The following MLXIP variants were observed in gnomAD, a reference collection of about 807,000 sequenced individuals.
MLXIP encodes MLX interacting protein, also known as MLX-interacting protein.
MLXIP carries 30 observed loss-of-function variants against 87.2 expected under a neutral mutation model. That is an observed-to-expected ratio of 0.34 (90% CI 0.26 to 0.47). The LOEUF (loss-of-function observed/expected upper bound fraction) is 0.47, where lower values mean the gene tolerates loss of function less well. Among genes scored for constraint, MLXIP ranks in the 20% least tolerant of loss-of-function variants. The pLI is 1.00. For synonymous variants in MLXIP, 530 were observed against 514.0 expected (o/e 1.03, Z -0.42); for missense variants, 1,002 against 1,240.1 (o/e 0.81, Z 2.88).
At chr12:122,134,031 A>G (rs765101565) in intron 9 of MLXIP, 44 bp downstream of exon 9, 2 of 1,533,182 alleles carry the variant, frequency 1.3e-6, no homozygotes, top group African/African-American at 2.8e-5. Context: ...CCCCCGACCC[A>G]GAGGGATGTT....
rs914891871 is a variant in MLXIP, at chr12:122,142,002, C to T, written c.*190C>T. ...TTTGGGGCCTGCTGACAGCAATAGC[C>T]CGCCTTTGGGAACCCCTTGCTGTGA... On this transcript the variant is annotated 3_prime_UTR_variant, in exon 17 of 17. Coordinates refer to ENST00000319080, the MANE Select transcript of MLXIP (RefSeq NM_014938.6). The T allele has an allele frequency of 7.4e-6, 6 of 812,770 alleles. No homozygotes were observed. The African/African-American group carries it at 8.5e-5, about 12-fold the overall frequency. 50.3% of individuals were successfully genotyped at this position (812,770 alleles called of 1,614,324 possible).
chr12:122,141,105 TGGG>T, intron 16 of MLXIP, 22 bp downstream of exon 16: 1 of 1,597,878 alleles, frequency 6.3e-7, no homozygotes, highest in Non-Finnish European at 8.5e-7. Flanking sequence ...AGTGCCAGGG[TGGG>T]GGGCTTCATG....
At chr12:122,120,658 T>C (rs1158621976) in intron 1 of MLXIP, among the ~76,000 whole-genome samples, 3 of 152,300 alleles carry the variant, frequency 2.0e-5, no homozygotes, top group South Asian at 2.1e-4. Context: ...ATTACCTTTA[T>C]TGTTGACCAA....
chr12:122,120,318 G>T (rs1952759082), intron 1 of MLXIP, among the ~76,000 whole-genome samples: 1 of 152,060 alleles, frequency 6.6e-6, no homozygotes, highest in Admixed American at 6.6e-5. Context: ...GACCTCCTGG[G>T]CTCGAGCAAT....
intron 1 of MLXIP, among the ~76,000 whole-genome samples, chr12:122,090,215 G>A (rs1193122193): frequency 6.6e-6 from 1 of 152,214 alleles, no homozygotes; most frequent in African/African-American, 2.4e-5. Context: ...GCCTTACCCA[G>A]CCGGGTGTGG....
At chr12:122,117,232 A>G (rs550602938) in intron 1 of MLXIP, among the ~76,000 whole-genome samples, 7 of 152,356 alleles carry the variant, frequency 4.6e-5, no homozygotes, top group African/African-American at 1.4e-4. Flanking sequence ...AAAAGATGCC[A>G]AGAGATCCAC....
rs777069112 is a variant in MLXIP, at chr12:122,130,926, T to C, written c.993T>C (p.Pro331=). 1.9e-6 allele frequency: 3 copies of C among 1,612,244 alleles called. No homozygotes were observed. Among genetic ancestry groups the C allele is most frequent in the Non-Finnish European group, 2.5e-6 (3 of 1,178,304 alleles). The change falls in exon 7 of 17, where the codon CCT becomes CCC. Residue 331 remains proline (P), a synonymous_variant. Transcript: ENST00000319080. ...TGGACTTCATGGACACCTTTGAGCC[T>C]TTCCAGGGTGAGGACCAGAGGCAGA... The part of the protein sequence containing the change: ...PNLDFMDTFE[P]FQDLFSSSRS...
At position 122,137,234 on chromosome 12, in the gene MLXIP, G is replaced by A; in HGVS notation, c.2033-235G>A. On this transcript the variant is annotated intron_variant, in intron 11 of 16. Coordinates refer to ENST00000319080, the MANE Select transcript of MLXIP (RefSeq NM_014938.6). This position sits in a 1 kb window ranked among gnomAD's most constrained non-coding sequence, Gnocchi z 4.1. ...CCAGTGACTGGAACACGTCACACAG[G>A]GTTGCTCCATCGTGTTCTGTGTGGA... 2.7e-6 allele frequency: 1 copy of A among 376,128 alleles called. No homozygotes were observed. The highest frequency in any genetic ancestry group is 4.7e-6 in the Non-Finnish European group (1 of 213,332). 23.3% of individuals were successfully genotyped at this position (376,128 alleles called of 1,614,324 possible).
chr12:122,103,187 G>T (rs915894297), intron 1 of MLXIP, among the ~76,000 whole-genome samples: 2 of 56,684 alleles, frequency 3.5e-5, no homozygotes, highest in African/African-American at 1.9e-4. Flanking sequence ...ATGTATGTAT[G>T]TATGTATGTA....
At chr12:122,129,541 C>A in intron 4 of MLXIP, 47 bp from the exon 5 acceptor site, 1 of 1,607,730 alleles carries the variant, frequency 6.2e-7, no homozygotes, top group Non-Finnish European at 8.5e-7. Context: ...CCCTTGGGCC[C>A]TCCTAGGGCC....
At chr12:122,094,466 TGTGTTGGTGTGTGG>T (rs1952313166) in intron 1 of MLXIP, among the ~76,000 whole-genome samples, 1 of 139,596 alleles carries the variant, frequency 7.2e-6, no homozygotes, top group South Asian at 2.4e-4. Flanking sequence ...TTGGTGTGTG[TGTGTTGGTGTGTGG>T]GTGTGTGTTT....
Position 122,135,548 on chromosome 12 carries a change from G to A in MLXIP, c.1914G>A (p.Thr638=), listed in dbSNP as rs574797911. The A allele has an allele frequency of 3.1e-6, 5 of 1,605,132 alleles. No homozygotes were observed. Among genetic ancestry groups the A allele is most frequent in the East Asian group, 2.3e-5 (1 of 44,410 alleles). ...TGGTGACAGATCTCGGCCATGGCAC[G>A]AGCAGCCCGCCTGCCCCCGTCTCCC... ...SILVTDLGHG[T]SSPPAPVSRL... The change falls in exon 11 of 17, where the codon ACG becomes ACA. Residue 638 remains threonine (T), a synonymous_variant. Transcript: ENST00000319080. This position sits in a 1 kb window ranked among gnomAD's most constrained non-coding sequence, Gnocchi z 5.3.
At chr12:122,082,493 G>A (rs182039169) in intron 1 of MLXIP, among the ~76,000 whole-genome samples, 20 of 152,330 alleles carry the variant, frequency 1.3e-4, no homozygotes, top group African/African-American at 4.6e-4. Context: ...TGGGAATGGG[G>A]CTAGTGCCTG....
chr12:122,102,817 C>T (rs1952455959), intron 1 of MLXIP, among the ~76,000 whole-genome samples: 1 of 152,218 alleles, frequency 6.6e-6, no homozygotes, highest in Non-Finnish European at 1.5e-5. Context: ...CAAATGGTTA[C>T]ATACTATATG....
At chr12:122,094,011 G>A (rs1952299004) in intron 1 of MLXIP, among the ~76,000 whole-genome samples, 1 of 146,452 alleles carries the variant, frequency 6.8e-6, no homozygotes, top group South Asian at 2.2e-4. Context: ...TGTGGTGTGT[G>A]TGCAGGGTGT....
At chr12:122,117,003 A>G (rs1212037307) in intron 1 of MLXIP, among the ~76,000 whole-genome samples, 1 of 151,676 alleles carries the variant, frequency 6.6e-6, no homozygotes, top group African/African-American at 2.4e-5. Flanking sequence ...CCTGGTATCC[A>G]CTCCCTCAAG....
chr12:122,083,803 T>G (rs1314194970), intron 1 of MLXIP, among the ~76,000 whole-genome samples: 1 of 152,244 alleles, frequency 6.6e-6, no homozygotes, highest in Non-Finnish European at 1.5e-5. Flanking sequence ...CTCCAAACTT[T>G]GAATTTTCAG....
chr12:122,081,054 T>C (rs1484432428), intron 1 of MLXIP, among the ~76,000 whole-genome samples: 2 of 152,200 alleles, frequency 1.3e-5, no homozygotes, highest in East Asian at 1.9e-4. Context: ...TAAAGGCTTA[T>C]TAAACAACAC....
intron 1 of MLXIP, among the ~76,000 whole-genome samples, chr12:122,090,496 C>CAA (rs374603278): frequency 1.4e-5 from 2 of 139,584 alleles, no homozygotes; most frequent in African/African-American, 5.2e-5. Context: ...GACTCTGTCT[C>CAA]AAAAAAAAAA....
Sources: gnomAD v4.1 joint callset for allele counts (sites outside exome capture counted in the v4.1 genomes callset) on GRCh38, gnomAD v4.1.1 for gene constraint, Gnocchi (gnomAD v3.1) non-coding constraint, MANE v1.5 for transcripts, NCBI Gene and HGNC (gene_info 2026-07-23, HGNC 2026-07-21) for gene names.